Variants in TMIGD3 observed in about 807,000 individuals in gnomAD.
TMIGD3 encodes the protein transmembrane and immunoglobulin domain containing 3.
Under a neutral mutation model 28.1 loss-of-function variants are expected in TMIGD3, and 21 were observed. The ratio of observed to expected loss-of-function variants is 0.75; its 90% confidence interval spans 0.53 to 1.08. The LOEUF (loss-of-function observed/expected upper bound fraction) is 1.08, where lower values mean the gene tolerates loss of function less well. Ranked by LOEUF, TMIGD3 falls within the 50% of genes least tolerant of loss-of-function variation. TMIGD3 has a pLI of 0.00. For synonymous variants in TMIGD3, 151 were observed against 162.1 expected (o/e 0.93, Z 0.52); for missense variants, 416 against 435.6 (o/e 0.96, Z 0.40).
chr1:111,503,241 C>T lies in TMIGD3; in HGVS notation c.114G>A (p.Lys38=). The T allele has an allele frequency of 6.2e-7, 1 of 1,614,238 alleles. No individual in the cohort carries two copies. The highest frequency in any genetic ancestry group is 8.5e-7 in the Non-Finnish European group (1 of 1,180,030). ...TGGTGGTCTGCAGGCTGGGGTTCAGCTTGACCACGCAGATGACCAGCACGT... is the reference window on the plus strand; with the variant it reads ...TGGTGGTCTGCAGGCTGGGGTTCAGTTTGACCACGCAGATGACCAGCACGT... The part of the protein sequence containing the change: ...VGNVLVICVV[K]LNPSLQTTTF... The change falls in exon 1 of 6, where the codon AAG becomes AAA. Residue 38 remains lysine (K), a synonymous_variant. Coordinates refer to ENST00000369716, the MANE Select transcript of TMIGD3 (RefSeq NM_020683.7).
At chr1:111,536,907 ACC>A (rs1656659045) in intron 1 of TMIGD3, among the ~76,000 whole-genome samples, 1 of 152,100 alleles carries the variant, frequency 6.6e-6, no homozygotes, top group Non-Finnish European at 1.5e-5. Context: ...CCTCCAGGCC[ACC>A]TGTCTCCAGT....
chr1:111,507,960 G>A (rs545136154), upstream of TMIGD3, among the ~76,000 whole-genome samples: 3 of 152,346 alleles, frequency 2.0e-5, no homozygotes, highest in East Asian at 5.8e-4. Flanking sequence ...GGCTGATCTG[G>A]AGCCTCTGTC....
At chr1:111,534,842 A>G (rs1489308495) in intron 1 of TMIGD3, among the ~76,000 whole-genome samples, 1 of 152,078 alleles carries the variant, frequency 6.6e-6, no homozygotes, top group African/African-American at 2.4e-5. Context: ...TCCACCCCCT[A>G]TTTACTCTCC....
chr1:111,541,692 GAGAA>G (rs928598909), intron 1 of TMIGD3, among the ~76,000 whole-genome samples: 7 of 152,112 alleles, frequency 4.6e-5, no homozygotes, highest in South Asian at 2.1e-4. Flanking sequence ...GAGAGAGAGA[GAGAA>G]AGAGAGAGAG....
chr1:111,499,160 T>C (rs889106212), intron 1 of TMIGD3, among the ~76,000 whole-genome samples: 2 of 151,930 alleles, frequency 1.3e-5, no homozygotes, highest in Non-Finnish European at 2.9e-5. Flanking sequence ...AGCTATCCAT[T>C]GTCTCTTTTT....
At chr1:111,497,196 C>T (rs532875264) in intron 1 of TMIGD3, among the ~76,000 whole-genome samples, 3 of 152,188 alleles carry the variant, frequency 2.0e-5, no homozygotes, top group Non-Finnish European at 2.9e-5. Context: ...CTGCAAGCTC[C>T]GCCTCCCGGG....
intron 1 of TMIGD3, among the ~76,000 whole-genome samples, chr1:111,508,815 C>A (rs1247222809): frequency 6.6e-6 from 1 of 152,278 alleles, no homozygotes; most frequent in Non-Finnish European, 1.5e-5. Context: ...GATCATACAC[C>A]GCCAGGCGCG....
intron 1 of TMIGD3, among the ~76,000 whole-genome samples, chr1:111,524,679 G>T (rs1034696911): frequency 1.3e-5 from 2 of 152,130 alleles, no homozygotes. Context: ...GAGTGCGGTG[G>T]CATGATCTCG....
At chr1:111,498,707 A>G (rs529466800) in intron 1 of TMIGD3, among the ~76,000 whole-genome samples, 2 of 152,186 alleles carry the variant, frequency 1.3e-5, no homozygotes, top group Non-Finnish European at 2.9e-5. Flanking sequence ...CTTCTGCAAA[A>G]TGGAGATGAT....
At chr1:111,502,904 G>T in intron 1 of TMIGD3, 101 bp downstream of exon 1, 1 of 1,436,472 alleles carries the variant, frequency 7.0e-7, no homozygotes, top group Non-Finnish European at 9.4e-7. Flanking sequence ...AACATCAAGG[G>T]CCAATTTGGA....
chr1:111,526,726 T>C (rs761903676), intron 1 of TMIGD3, among the ~76,000 whole-genome samples: 1 of 152,212 alleles, frequency 6.6e-6, no homozygotes, highest in Non-Finnish European at 1.5e-5. Context: ...CTGTTGATGT[T>C]GTTCATTCAT....
chr1:111,552,667 G>A (rs1234979101), intron 1 of TMIGD3, among the ~76,000 whole-genome samples: 2 of 152,100 alleles, frequency 1.3e-5, no homozygotes, highest in African/African-American at 2.4e-5. Context: ...GGCCTTGAGA[G>A]GCAATTTATT....
chr1:111,549,346 C>G (rs1443191649), intron 1 of TMIGD3, among the ~76,000 whole-genome samples: 2 of 125,672 alleles, frequency 1.6e-5, no homozygotes, highest in Admixed American at 8.6e-5. Context: ...TCCTTTTTTT[C>G]CCCCTTTTAA....
chr1:111,517,146 A>C (rs1019739042), intron 1 of TMIGD3, among the ~76,000 whole-genome samples: 1 of 152,208 alleles, frequency 6.6e-6, no homozygotes, highest in Non-Finnish European at 1.5e-5. Flanking sequence ...CACTAGCCTC[A>C]TGGAAACATT....
At chr1:111,530,381 A>T (rs1656420502) in intron 1 of TMIGD3, among the ~76,000 whole-genome samples, 1 of 152,100 alleles carries the variant, frequency 6.6e-6, no homozygotes, top group African/African-American at 2.4e-5. Flanking sequence ...AAGATCTTTT[A>T]TATTTACCTA....
At chr1:111,509,467 G>A (rs1374756745) in intron 1 of TMIGD3, among the ~76,000 whole-genome samples, 2 of 152,126 alleles carry the variant, frequency 1.3e-5, no homozygotes, top group East Asian at 3.9e-4. Flanking sequence ...ATTTCACCCA[G>A]GAAGACTTTG....
intron 1 of TMIGD3, among the ~76,000 whole-genome samples, chr1:111,559,251 TAATC>T (rs752894329): frequency 6.6e-6 from 1 of 152,082 alleles, no homozygotes; most frequent in Non-Finnish European, 1.5e-5. Flanking sequence ...ATTAATAAGA[TAATC>T]AACTAACACA....
chr1:111,540,493 A>G (rs1557841753), intron 1 of TMIGD3, among the ~76,000 whole-genome samples: 1 of 152,216 alleles, frequency 6.6e-6, no homozygotes, highest in Non-Finnish European at 1.5e-5. Context: ...CACCCACATC[A>G]TCAAAGTTAG....
chr1:111,544,514 T>C (rs1026498890), intron 1 of TMIGD3, among the ~76,000 whole-genome samples: 1 of 152,204 alleles, frequency 6.6e-6, no homozygotes, highest in Non-Finnish European at 1.5e-5. Context: ...GGTTCATCCA[T>C]GTTGTAACAT....
Sources: allele counts gnomAD v4.1 joint callset (sites outside exome capture counted in the v4.1 genomes callset), GRCh38; gene constraint gnomAD v4.1.1; transcripts MANE v1.5; gene names NCBI Gene and HGNC (gene_info 2026-07-23, HGNC 2026-07-21).